QPCT: variants seen among roughly 807,000 people sequenced by gnomAD.
The protein encoded by QPCT is EC.
A neutral mutation model predicts 43.4 loss-of-function variants in QPCT; 44 were observed. That is an observed-to-expected ratio of 1.01 (90% confidence interval 0.80 to 1.30). The LOEUF (loss-of-function observed/expected upper bound fraction) is 1.30, where lower values mean the gene tolerates loss of function less well. Among genes scored for constraint, QPCT ranks in the 50% most tolerant of loss-of-function variants. The probability of loss-of-function intolerance (pLI) is 0.00; values close to 1 mark genes in which losing one functional copy is unlikely to be tolerated. For missense variants in QPCT, 526 were observed against 436.5 expected (o/e 1.21, Z -1.83); for synonymous variants, 168 against 168.4 (o/e 1.00, Z 0.02).
intron 4 of QPCT, chr2:37,368,307 C>CT (rs1673005214): frequency 5.1e-6 from 1 of 194,962 alleles, no homozygotes; most frequent in Admixed American, 5.8e-5. Context: ...CACTCCATCC[C>CT]TAATCCCTCC....
At position 37,372,147 on chromosome 2, in the gene QPCT, G is replaced by T. The variant is rs555569666; in HGVS notation, c.824-209G>T. Among the ~76,000 whole-genome samples the T allele has an allele frequency of 2.7e-3, 412 of 152,134 alleles. 3 individuals are homozygous for T. Among genetic ancestry groups the T allele is most frequent in the Middle Eastern group, 0.01 (3 of 294 alleles). ...CACCTGTAAGTTTAGAGCCACATTT[G>T]ACTCTTCTCTCTTCCTGCTCCAAAG... On this transcript the variant is annotated intron_variant, in intron 5 of 6. Coordinates refer to ENST00000338415, the MANE Select transcript of QPCT (RefSeq NM_012413.4).
intron 5 of QPCT, among the ~76,000 whole-genome samples, chr2:37,371,946 T>TACTCTTAAAA (rs1673083583): frequency 6.6e-6 from 1 of 152,210 alleles, no homozygotes; most frequent in Non-Finnish European, 1.5e-5. Flanking sequence ...CTACTCTGTT[T>TACTCTTAAAA]GAGTATTCCC....
At chr2:37,345,064 C>CA (rs1446430459) in intron 1 of QPCT, among the ~76,000 whole-genome samples, 1 of 152,170 alleles carries the variant, frequency 6.6e-6, no homozygotes, top group African/African-American at 2.4e-5. Flanking sequence ...CTGGAGACGC[C>CA]AGGGGGGCTG....
chr2:37,354,834 T>TC (rs1455806427), intron 2 of QPCT, among the ~76,000 whole-genome samples: 1 of 152,160 alleles, frequency 6.6e-6, no homozygotes, highest in Non-Finnish European at 1.5e-5. Flanking sequence ...CTTTTTTTTT[T>TC]CCCATACCAT....
intron 2 of QPCT, among the ~76,000 whole-genome samples, chr2:37,359,217 C>A (rs1672812245): frequency 6.6e-6 from 1 of 151,662 alleles, no homozygotes; most frequent in South Asian, 2.1e-4. Flanking sequence ...AAAACATATG[C>A]CCCTCTGCCA....
intron 1 of QPCT, among the ~76,000 whole-genome samples, chr2:37,348,674 A>G (rs559390955): frequency 6.6e-6 from 1 of 152,218 alleles, no homozygotes; most frequent in African/African-American, 2.4e-5. Flanking sequence ...TGATTAGCCT[A>G]GAAGAGATGC....
chr2:37,356,496 A>G (rs1454892408), intron 2 of QPCT, among the ~76,000 whole-genome samples: 1 of 152,182 alleles, frequency 6.6e-6, no homozygotes, highest in African/African-American at 2.4e-5. Flanking sequence ...TCCCTGCCAC[A>G]GCCACGCACT....
At chr2:37,371,704 TC>T (rs1201178987) in intron 5 of QPCT, among the ~76,000 whole-genome samples, 1 of 152,168 alleles carries the variant, frequency 6.6e-6, no homozygotes, top group African/African-American at 2.4e-5. Context: ...GGCCAGTGGT[TC>T]TCAAACTTTA....
rs1673118072 is a variant in QPCT, at chr2:37,373,220, A to C, written c.*393A>C. The stretch of plus-strand genomic sequence containing the variant: ...ATTTTTTCATATGTGGAAATCTATT[A>C]CATGTAATACAAAACAAACATGTAG... On this transcript the variant is annotated 3_prime_UTR_variant, in exon 7 of 7. Transcript: ENST00000338415. 6.5e-6 allele frequency: 1 copy of C among 153,284 alleles called. No homozygotes were observed. The highest frequency in any genetic ancestry group is 6.5e-5 in the Admixed American group (1 of 15,346). The allele number at this position is 153,284 out of a possible 1,614,324, so 9.5% of individuals were successfully genotyped here.
intron 2 of QPCT, 68 bp downstream of exon 2, chr2:37,353,003 T>G (rs960326571): frequency 6.5e-7 from 1 of 1,532,042 alleles, no homozygotes; most frequent in Admixed American, 1.9e-5. Context: ...GATAATGTTA[T>G]GGCTGAAGTT....
intron 4 of QPCT, among the ~76,000 whole-genome samples, chr2:37,367,977 T>C (rs563619766): frequency 3.1e-4 from 47 of 152,254 alleles, no homozygotes; most frequent in South Asian, 2.3e-3. Context: ...TCAGATTCAG[T>C]TGGGCCCAAT....
intron 3 of QPCT, among the ~76,000 whole-genome samples, chr2:37,362,606 A>AT (rs1432302826): frequency 6.6e-6 from 1 of 152,202 alleles, no homozygotes; most frequent in Non-Finnish European, 1.5e-5. Flanking sequence ...GGGAAACTCC[A>AT]TTTTTTGAAG....
At chr2:37,350,187 G>A (rs1487310630) in intron 1 of QPCT, among the ~76,000 whole-genome samples, 3 of 152,186 alleles carry the variant, frequency 2.0e-5, no homozygotes, top group African/African-American at 4.8e-5. Context: ...GCCTCATGGG[G>A]GCAGAACCTC....
chr2:37,347,155 T>TATATATATATATATATATC lies in QPCT; in HGVS notation c.120+2313_120+2314insTATATATATCATATATATA, dbSNP rs1572726376. On this transcript the variant is annotated intron_variant, in intron 1 of 6. Coordinates refer to ENST00000338415, the MANE Select transcript of QPCT (RefSeq NM_012413.4). The stretch of plus-strand genomic sequence containing the variant: ...GGGTATGGGGTGTTTTATATATATA[T>TATATATATATATATATATC]ATATATATAACATATATATATATAA... Among the ~76,000 whole-genome samples, 3 of 65,498 alleles carry TATATATATATATATATATC rather than the reference T, an allele frequency of 4.6e-5. 1 individual carries two copies. In the East Asian group the frequency reaches 5.4e-3, roughly 118 times the overall value. 43.0% of individuals were successfully genotyped at this position (65,498 alleles called of 152,430 possible).
intron 6 of QPCT, 80 bp from the exon 7 acceptor site, chr2:37,372,602 C>T: frequency 6.6e-7 from 1 of 1,510,134 alleles, no homozygotes; most frequent in South Asian, 1.2e-5. Context: ...GTACAGAGCT[C>T]CCTCTGCTTG....
chr2:37,369,788 A>G lies in QPCT; in HGVS notation c.823+4A>G, dbSNP rs772342836. 2.6e-6 allele frequency: 4 copies of G among 1,548,822 alleles called. No homozygotes were observed. The highest frequency in any genetic ancestry group is 2.7e-6 in the Non-Finnish European group (3 of 1,120,628). The stretch of plus-strand genomic sequence containing the variant: ...TTCGAAAGACTTCAAGCAATTGGTA[A>G]GCACCACTGTTATTAATGAATAAAA... On this transcript the variant is annotated splice_donor_region_variant and intron_variant, in intron 5 of 6. Coordinates refer to ENST00000338415, the MANE Select transcript of QPCT (RefSeq NM_012413.4).
chr2:37,358,346 A>G (rs1572732735), intron 2 of QPCT, among the ~76,000 whole-genome samples: 1 of 152,318 alleles, frequency 6.6e-6, no homozygotes, highest in South Asian at 2.1e-4. Flanking sequence ...TTGAGGCAGG[A>G]GAATTGCTTG....
At chr2:37,348,241 T>C (rs1284282344) in intron 1 of QPCT, among the ~76,000 whole-genome samples, 1 of 152,152 alleles carries the variant, frequency 6.6e-6, no homozygotes, top group Non-Finnish European at 1.5e-5. Flanking sequence ...ATGAGATCCA[T>C]TTTACAGATA....
chr2:37,368,641 A>G lies in QPCT; in HGVS notation c.724-1044A>G, dbSNP rs561010771. ...CTCCTGTTATCCATTGGCAGCTCCTAATGGGCCAGGGGAATGTGGTCAGCA... is the reference window on the plus strand; with the variant it reads ...CTCCTGTTATCCATTGGCAGCTCCTGATGGGCCAGGGGAATGTGGTCAGCA... On this transcript the variant is annotated intron_variant, in intron 4 of 6. Transcript: ENST00000338415. 8.5e-6 allele frequency: 4 copies of G among 471,086 alleles called. No homozygotes were observed. In the Admixed American group the frequency reaches 9.4e-5, roughly 11 times the overall value. 29.2% of individuals were successfully genotyped at this position (471,086 alleles called of 1,614,324 possible).
Sources: allele counts gnomAD v4.1 joint callset (sites outside exome capture counted in the v4.1 genomes callset), GRCh38; gene constraint gnomAD v4.1.1; transcripts MANE v1.5; gene names NCBI Gene and HGNC (gene_info 2026-07-23, HGNC 2026-07-21).